PAGE2B: variants seen among roughly 807,000 people sequenced by gnomAD.
The protein encoded by PAGE2B is PAGE family member 2B.
PAGE2B carries 5 observed loss-of-function variants against 7.6 expected under a neutral mutation model. The ratio of observed to expected loss-of-function variants is 0.66; its 90% confidence interval spans 0.34 to 1.38. The LOEUF (loss-of-function observed/expected upper bound fraction) is 1.38, where lower values mean the gene tolerates loss of function less well. Ranked by LOEUF, PAGE2B falls within the 40% of genes most tolerant of loss-of-function variation. PAGE2B has a pLI of 0.04. For missense variants in PAGE2B, 70 were observed against 78.4 expected (o/e 0.89, Z 0.41); for synonymous variants, 29 against 26.7 (o/e 1.09, Z -0.27).
the PAGE2B span, among the ~76,000 whole-genome samples, chrX:55,035,346 C>T: frequency 1.8e-5 from 2 of 111,785 alleles, no homozygotes; most frequent in Admixed American, 1.9e-4. Context: ...GTTTAAAAGT[C>T]CCTAAGGTAT....
At chrX:55,050,947 C>T in the PAGE2B span, among the ~76,000 whole-genome samples, 23 of 111,476 alleles carry the variant, frequency 2.1e-4, no homozygotes, top group South Asian at 5.7e-3. Context: ...TGGCTGGTAC[C>T]GGTTGTTCCT....
chrX:55,076,009 C>T, intron 1 of PAGE2B, 25 bp from the exon 2 acceptor site: 1 of 1,170,349 alleles, frequency 8.5e-7, no homozygotes, highest in Non-Finnish European at 1.2e-6. Flanking sequence ...TACACTTTTT[C>T]CAAATAACAG....
chrX:55,077,688 A>G (rs1340699568), intron 4 of PAGE2B, among the ~76,000 whole-genome samples, 164 bp downstream of exon 4: 1 of 112,751 alleles, frequency 8.9e-6, no homozygotes, highest in Non-Finnish European at 1.9e-5. Flanking sequence ...TATCAGGGAT[A>G]GAGGGCCAGG....
chrX:55,054,077 G>A, the PAGE2B span, among the ~76,000 whole-genome samples: 38 of 110,561 alleles, frequency 3.4e-4, no homozygotes, highest in Admixed American at 1.2e-3. Context: ...AGCTGGGTGT[G>A]GTGGCACGCA....
At chrX:55,062,447 TTAGATTTATTTCCTA>T in the PAGE2B span, among the ~76,000 whole-genome samples, 1 of 111,883 alleles carries the variant, frequency 8.9e-6, no homozygotes, top group Admixed American at 9.5e-5. Flanking sequence ...AATGAGACGA[TTAGATTTATTTCCTA>T]TAGAGTTCTT....
At chrX:55,064,730 G>A in the PAGE2B span, among the ~76,000 whole-genome samples, 1 of 110,270 alleles carries the variant, frequency 9.1e-6, no homozygotes, top group Admixed American at 9.7e-5. Context: ...TATGCCATAG[G>A]TTTTGGTGTG....
chrX:55,064,409 G>A, the PAGE2B span, among the ~76,000 whole-genome samples: 18 of 110,898 alleles, frequency 1.6e-4, no homozygotes, highest in Admixed American at 8.7e-4. Context: ...CTCCCTTTTC[G>A]TCTCTGATTT....
At chrX:55,032,209 A>G in the PAGE2B span, among the ~76,000 whole-genome samples, 1 of 111,448 alleles carries the variant, frequency 9.0e-6, no homozygotes, top group Non-Finnish European at 1.9e-5. Context: ...GATACTGCCA[A>G]TTTGTCCTAT....
At chrX:55,067,878 C>A in the PAGE2B span, among the ~76,000 whole-genome samples, 1 of 112,142 alleles carries the variant, frequency 8.9e-6, no homozygotes, top group Non-Finnish European at 1.9e-5. Flanking sequence ...TCATATCCTT[C>A]GCTCACTTTT....
At chrX:55,037,212 AC>A in the PAGE2B span, among the ~76,000 whole-genome samples, 1 of 110,219 alleles carries the variant, frequency 9.1e-6, no homozygotes, top group Non-Finnish European at 1.9e-5. Flanking sequence ...CAAGAAAAAA[AC>A]AAACAACCCC....
the PAGE2B span, among the ~76,000 whole-genome samples, chrX:55,063,906 C>T: frequency 9.0e-6 from 1 of 110,709 alleles, no homozygotes; most frequent in Non-Finnish European, 1.9e-5. Context: ...GGTTAAATCC[C>T]ACTTGGTCAT....
the PAGE2B span, among the ~76,000 whole-genome samples, chrX:55,065,373 G>C: frequency 1.8e-5 from 2 of 111,370 alleles, no homozygotes; most frequent in Non-Finnish European, 3.8e-5. Flanking sequence ...AGCTACTCCT[G>C]CTCTTTTTTG....
chrX:55,072,628 C>T (rs778152385), upstream of PAGE2B, among the ~76,000 whole-genome samples: 20 of 112,591 alleles, frequency 1.8e-4, no homozygotes, highest in East Asian at 2.3e-3. Context: ...TCTTCAGAGA[C>T]GGCGGGCAGG....
At chrX:55,035,662 T>C in the PAGE2B span, among the ~76,000 whole-genome samples, 1 of 112,292 alleles carries the variant, frequency 8.9e-6, no homozygotes, top group African/African-American at 3.2e-5. Flanking sequence ...TCGAGCCAGA[T>C]TAACTGGGTT....
chrX:55,052,868 A>T, the PAGE2B span, among the ~76,000 whole-genome samples: 6 of 112,460 alleles, frequency 5.3e-5, no homozygotes, highest in Admixed American at 3.7e-4. Context: ...TGCAGAAATC[A>T]CCCGTCTTCT....
chrX:55,043,823 G>A, the PAGE2B span, among the ~76,000 whole-genome samples: 7 of 109,813 alleles, frequency 6.4e-5, 1 homozygote, highest in Admixed American at 2.9e-4. Context: ...AAAATCGGGC[G>A]AGTGTGGTGG....
the PAGE2B span, among the ~76,000 whole-genome samples, chrX:55,041,557 A>G: frequency 1.8e-5 from 2 of 111,987 alleles, no homozygotes; most frequent in Non-Finnish European, 3.8e-5. Flanking sequence ...TTATTTTGGA[A>G]AAAACCCAAC....
chrX:55,034,957 A>G, the PAGE2B span, among the ~76,000 whole-genome samples: 2 of 110,522 alleles, frequency 1.8e-5, no homozygotes, highest in Non-Finnish European at 1.9e-5. Context: ...AAGGGCAGGA[A>G]GCATGCAGCA....
At chrX:55,059,387 A>G in the PAGE2B span, among the ~76,000 whole-genome samples, 1 of 111,699 alleles carries the variant, frequency 9.0e-6, no homozygotes, top group Non-Finnish European at 1.9e-5. Context: ...TTTTTACTTA[A>G]TCACATCTTT....
Sources: allele counts gnomAD v4.1 joint callset (sites outside exome capture counted in the v4.1 genomes callset), GRCh38; gene constraint gnomAD v4.1.1; transcripts MANE v1.5; gene names NCBI Gene and HGNC (gene_info 2026-07-23, HGNC 2026-07-21).